FCN2: variants seen among roughly 807,000 people sequenced by gnomAD.
FCN2 encodes the protein ficolin-2.
In FCN2, 31 loss-of-function variants were observed where a neutral mutation model predicts 32.5. That is an observed-to-expected ratio of 0.96 (90% confidence interval 0.72 to 1.29). The LOEUF is 1.29. Among genes scored for constraint, FCN2 ranks in the 50% most tolerant of loss-of-function variants. The probability of loss-of-function intolerance (pLI) is 0.00; values close to 1 mark genes in which losing one functional copy is unlikely to be tolerated. For synonymous variants in FCN2, 181 were observed against 164.5 expected, an observed-to-expected ratio of 1.10 and a Z score of -0.77; for missense variants, 412 against 406.5, an observed-to-expected ratio of 1.01 and a Z score of -0.12.
At chr9:134,885,991 G>A in intron 6 of FCN2, 94 bp downstream of exon 6, 1 of 1,328,410 alleles carries the variant, frequency 7.5e-7, no homozygotes. Flanking sequence ...AGAGCCTCTT[G>A]GCCCACAGGG....
intron 4 of FCN2, 82 bp from the exon 5 acceptor site, chr9:134,885,157 C>A: frequency 6.3e-7 from 1 of 1,587,430 alleles, no homozygotes; most frequent in East Asian, 2.2e-5. Flanking sequence ...GGCCCTGCTT[C>A]TTCCTCCCAG....
chr9:134,868,073 C>G, the FCN2 span, among the ~76,000 whole-genome samples: 2 of 152,166 alleles, frequency 1.3e-5, no homozygotes, highest in Non-Finnish European at 2.9e-5. The surrounding 1 kb of genome is among the most constrained non-coding windows in gnomAD (Gnocchi z 4.3). Flanking sequence ...CATGGGCCTC[C>G]CCTAGATCGG....
the FCN2 span, among the ~76,000 whole-genome samples, chr9:134,869,338 C>A: frequency 6.6e-6 from 1 of 152,232 alleles, no homozygotes; most frequent in Non-Finnish European, 1.5e-5. Flanking sequence ...CCCTCAAGCG[C>A]TTCCTCTTGG....
chr9:134,865,169 A>G, the FCN2 span, among the ~76,000 whole-genome samples: 1 of 152,248 alleles, frequency 6.6e-6, no homozygotes, highest in Non-Finnish European at 1.5e-5. Context: ...GGTGGTCCCC[A>G]CTGTGTCCCT....
chr9:134,885,481 A>G (rs1435213765), intron 5 of FCN2, 115 bp downstream of exon 5: 1 of 1,498,206 alleles, frequency 6.7e-7, no homozygotes, highest in South Asian at 1.2e-5. Context: ...GGACAGTCAG[A>G]GATGATGGGG....
the FCN2 span, among the ~76,000 whole-genome samples, chr9:134,873,901 TTTTTTTTG>T: frequency 2.1e-5 from 1 of 47,774 alleles, no homozygotes; most frequent in African/African-American, 9.8e-5. Flanking sequence ...TGTTTTTTGT[TTTTTTTTG>T]TTTTTGTTTT....
upstream of FCN2, chr9:134,880,747 A>G: frequency 8.5e-7 from 1 of 1,170,338 alleles, no homozygotes; most frequent in Non-Finnish European, 1.3e-6. Context: ...AAGATGAGAA[A>G]TTGGAGTCTG....
At chr9:134,873,194 T>C in the FCN2 span, among the ~76,000 whole-genome samples, 7 of 152,114 alleles carry the variant, frequency 4.6e-5, no homozygotes, top group East Asian at 1.9e-4. Flanking sequence ...CTTTATCAAA[T>C]GTATGTGATG....
chr9:134,873,212 G>A, the FCN2 span, among the ~76,000 whole-genome samples: 5 of 151,888 alleles, frequency 3.3e-5, no homozygotes, highest in Non-Finnish European at 7.4e-5. Flanking sequence ...ATGCATGAGA[G>A]CCTATTGCTG....
At chr9:134,886,284 C>T (rs1830753746) in intron 6 of FCN2, 146 bp from the exon 7 acceptor site, 1 of 947,306 alleles carries the variant, frequency 1.1e-6, no homozygotes, top group Non-Finnish European at 1.7e-6. Flanking sequence ...GTCAGAGCTA[C>T]ACAGGCCCCG....
At position 134,883,114 on chromosome 9, in the gene FCN2, G is replaced by A. The variant is rs116110178; in HGVS notation, c.215-188G>A. ...GCCCCTGAGTGAACAGGAGAGCCCC[G>A]TGAGGCCTGGGTCCTGGATCTAGAA... On this transcript the variant is annotated intron_variant, in intron 2 of 7. Coordinates refer to ENST00000291744, the MANE Select transcript of FCN2 (RefSeq NM_004108.3). 4.9e-3 allele frequency among the ~76,000 whole-genome samples: 744 copies of A among 152,328 alleles called. 4 individuals carry two copies. The highest frequency in any genetic ancestry group is 0.017 in the African/African-American group (720 of 41,598).
chr9:134,872,569 G>T, the FCN2 span, among the ~76,000 whole-genome samples: 1 of 152,182 alleles, frequency 6.6e-6, no homozygotes, highest in Non-Finnish European at 1.5e-5. Flanking sequence ...GGCTGGGGAG[G>T]CCTCACCATC....
Position 134,885,346 on chromosome 9 carries a change from A to G in FCN2, c.409A>G (p.Thr137Ala). The G allele has an allele frequency of 1.9e-6, 3 of 1,613,932 alleles. No individual in the cohort carries two copies. Among genetic ancestry groups the G allele is most frequent in the Non-Finnish European group, 2.5e-6 (3 of 1,179,976 alleles). Residue 137 changes from threonine (T) to alanine (A), a missense_variant, in exon 5 of 8, where the codon ACG becomes GCG. By Grantham distance (58) the Thr-to-Ala change is moderately conservative (BLOSUM62 0). Coordinates refer to ENST00000291744, the MANE Select transcript of FCN2 (RefSeq NM_004108.3). ...CCTGACTGTGCTCTGTGACATGGACACGGACGGAGGGGGCTGGACCGTGAG... is the reference window on the plus strand; with the variant it reads ...CCTGACTGTGCTCTGTGACATGGACGCGGACGGAGGGGGCTGGACCGTGAG... Reference protein sequence around the residue: ...RPLTVLCDMDTDGGGWTVFQR... With the variant: ...RPLTVLCDMDADGGGWTVFQR...
upstream of FCN2, among the ~76,000 whole-genome samples, chr9:134,877,492 C>T (rs568007676): frequency 1.3e-5 from 2 of 152,262 alleles, no homozygotes; most frequent in Non-Finnish European, 2.9e-5. Flanking sequence ...CCATTGTTGT[C>T]CGAGAACATA....
At chr9:134,884,501 G>A (rs1357392168) in intron 3 of FCN2, among the ~76,000 whole-genome samples, 1 of 152,196 alleles carries the variant, frequency 6.6e-6, no homozygotes, top group Non-Finnish European at 1.5e-5. Context: ...TCTCTGGGAT[G>A]GTGGCCTCTG....
the FCN2 span, among the ~76,000 whole-genome samples, chr9:134,874,730 A>G: frequency 1.6e-4 from 24 of 152,164 alleles, no homozygotes; most frequent in South Asian, 2.1e-3. Context: ...ATCAACTTCA[A>G]TTTGCATTAA....
intron 2 of FCN2, 99 bp from the exon 3 acceptor site, chr9:134,883,203 C>A: frequency 2.0e-6 from 2 of 1,013,954 alleles, no homozygotes; most frequent in South Asian, 2.6e-5. Flanking sequence ...CGAGCAGGGT[C>A]ATGGTCATGA....
chr9:134,877,836 T>C (rs1830616812), upstream of FCN2, among the ~76,000 whole-genome samples: 1 of 152,224 alleles, frequency 6.6e-6, no homozygotes, highest in African/African-American at 2.4e-5. Flanking sequence ...GGAAGGGGGA[T>C]GTGATGGTTA....
intron 3 of FCN2, among the ~76,000 whole-genome samples, chr9:134,883,556 C>T (rs79375627): frequency 0.049 from 5,775 of 118,648 alleles, 293 homozygotes; most frequent in East Asian, 0.16. Context: ...GGTTCTCAGT[C>T]TGGGGGAGTG....
Sources: gnomAD v4.1 joint callset for allele counts (sites outside exome capture counted in the v4.1 genomes callset) on GRCh38, gnomAD v4.1.1 for gene constraint, Gnocchi (gnomAD v3.1) non-coding constraint, MANE v1.5 for transcripts, NCBI Gene and HGNC (gene_info 2026-07-23, HGNC 2026-07-21) for gene names.